Variants in KDM2B observed in about 807,000 individuals in gnomAD.
KDM2B encodes the protein lysine-specific demethylase 2B.
In KDM2B, 26 loss-of-function variants were observed where a neutral mutation model predicts 150.0. The ratio of observed to expected loss-of-function variants is 0.17; its 90% confidence interval spans 0.13 to 0.24. KDM2B has a LOEUF of 0.24. Among genes scored for constraint, KDM2B ranks in the 10% least tolerant of loss-of-function variants. KDM2B has a pLI of 1.00. For missense variants in KDM2B, 1,265 were observed against 1,816.9 expected (o/e 0.70, Z 5.52); for synonymous variants, 734 against 729.5 (o/e 1.01, Z -0.10).
chr12:121,425,461 C>T (rs966037047), downstream of KDM2B, among the ~76,000 whole-genome samples: 13 of 152,178 alleles, frequency 8.5e-5, no homozygotes, highest in Non-Finnish European at 1.5e-4. Context: ...AGTCTGTTAT[C>T]TCCTGACTGT....
intron 22 of KDM2B, among the ~76,000 whole-genome samples, chr12:121,434,310 C>A (rs953165797): frequency 2.0e-5 from 3 of 151,148 alleles, no homozygotes; most frequent in African/African-American, 7.3e-5. Context: ...CCGAGGTGGG[C>A]GGATCACCTG....
intron 8 of KDM2B, among the ~76,000 whole-genome samples, chr12:121,532,456 A>C (rs1330200177): frequency 6.6e-6 from 1 of 152,274 alleles, no homozygotes; most frequent in South Asian, 2.1e-4. Context: ...CCAGAATTCC[A>C]CCTGAGGCCA....
In KDM2B at chr12:121,521,297, T is replaced by C. The variant is rs782269725; in HGVS notation, c.932-197A>G. 1.3e-5 allele frequency among the ~76,000 whole-genome samples: 2 copies of C among 152,054 alleles called. No homozygotes were observed. Among genetic ancestry groups the C allele is most frequent in the Non-Finnish European group, 2.9e-5 (2 of 68,004 alleles). On this transcript the variant is annotated intron_variant, in intron 8 of 22. Transcript: ENST00000377071. The surrounding 1 kb of genome is among the most constrained non-coding windows in gnomAD (Gnocchi z 4.9). The stretch of plus-strand genomic sequence containing the variant: ...CTGAGCCGCCGAGAGGACTCAGACT[T>C]GCAGCCTCGAGCAGCCACTGTCTGG...
At chr12:121,459,311 G>A (rs917411252) in intron 12 of KDM2B, among the ~76,000 whole-genome samples, 2 of 152,066 alleles carry the variant, frequency 1.3e-5, no homozygotes, top group Non-Finnish European at 2.9e-5. Flanking sequence ...GTGCTGGGAC[G>A]AATAGCTATC....
At chr12:121,417,950 G>A in the KDM2B span, 60 of 1,590,464 alleles carry the variant, frequency 3.8e-5, no homozygotes, top group South Asian at 1.9e-4. The surrounding 1 kb of genome is among the most constrained non-coding windows in gnomAD (Gnocchi z 5.0). Flanking sequence ...GGCCCGGCAC[G>A]CTTATTCTTG....
intron 8 of KDM2B, among the ~76,000 whole-genome samples, chr12:121,523,148 T>C (rs1732130794): frequency 6.6e-6 from 1 of 152,224 alleles, no homozygotes; most frequent in Admixed American, 6.5e-5. Context: ...ACTTGCTGAA[T>C]GAGTCACAGC....
At position 121,520,173 on chromosome 12, in the gene KDM2B, G is replaced by A. The variant is rs1886560368; in HGVS notation, c.1047+812C>T. ...CCCAAAGTGCTGGGATTACAGGCAA[G>A]AGCCACCGCGCCCGGCCCCAAGTCT... is the stretch of plus-strand genomic sequence containing the variant. On this transcript the variant is annotated intron_variant, in intron 9 of 22. Transcript: ENST00000377071. The surrounding 1 kb of genome is among the most constrained non-coding windows in gnomAD (Gnocchi z 4.5). 1.3e-5 allele frequency among the ~76,000 whole-genome samples: 2 copies of A among 152,134 alleles called. No individual in the cohort carries two copies. The highest frequency in any genetic ancestry group is 2.4e-5 in the African/African-American group (1 of 41,444).
chr12:121,532,056 G>A lies in KDM2B; in HGVS notation c.931+750C>T, dbSNP rs539301695. Among the ~76,000 whole-genome samples, 180 of 152,004 alleles carry A rather than the reference G, an allele frequency of 1.2e-3. 1 individual carries two copies. The Middle Eastern group carries it at 0.024, about 20-fold the overall frequency. ...GAACTGCTTGAACCTGGGAGGTGAAGGTTGCAGTGAGCCAAGATCACGCCA... is the reference window on the plus strand; with the variant it reads ...GAACTGCTTGAACCTGGGAGGTGAAAGTTGCAGTGAGCCAAGATCACGCCA... On this transcript the variant is annotated intron_variant, in intron 8 of 22. Transcript: ENST00000377071.
chr12:121,512,713 G>A (rs544568564), intron 10 of KDM2B, among the ~76,000 whole-genome samples: 6 of 152,276 alleles, frequency 3.9e-5, no homozygotes, highest in African/African-American at 1.4e-4. Context: ...GGGCAGAGCC[G>A]TGTTCGGGGG....
At chr12:121,472,639 G>A (rs186951050) in intron 12 of KDM2B, among the ~76,000 whole-genome samples, 3 of 152,336 alleles carry the variant, frequency 2.0e-5, no homozygotes, top group Non-Finnish European at 4.4e-5. Flanking sequence ...ATGTGTGACT[G>A]TGCACAGGAT....
chr12:121,573,689 A>G (rs1594161117), intron 4 of KDM2B, among the ~76,000 whole-genome samples: 1 of 150,010 alleles, frequency 6.7e-6, no homozygotes, highest in African/African-American at 2.5e-5. Flanking sequence ...CCAGGTTCAC[A>G]CCATTCTCCT....
chr12:121,438,924 C>A (rs59103597), intron 22 of KDM2B, among the ~76,000 whole-genome samples: 52,834 of 151,834 alleles, frequency 0.35, 9,954 homozygotes, highest in East Asian at 0.44. Context: ...CCTAAGCTAC[C>A]AGACCAAAAT....
chr12:121,500,300 A>G (rs965262776), intron 11 of KDM2B, among the ~76,000 whole-genome samples: 2 of 152,074 alleles, frequency 1.3e-5, no homozygotes, highest in Non-Finnish European at 2.9e-5. Flanking sequence ...TCAGCCCCCT[A>G]AGGGTTACAC....
chr12:121,574,736 G>C (rs1452124083), intron 3 of KDM2B, 143 bp from the exon 4 acceptor site: 3 of 714,334 alleles, frequency 4.2e-6, no homozygotes, highest in Non-Finnish European at 7.1e-6. Context: ...TCCAGAGGGA[G>C]AGAAGTAGAC....
intron 6 of KDM2B, among the ~76,000 whole-genome samples, chr12:121,540,176 T>C (rs1336202841): frequency 6.6e-6 from 1 of 152,198 alleles, no homozygotes; most frequent in Non-Finnish European, 1.5e-5. Context: ...GGTGGTGCGT[T>C]GGTCCATACA....
rs1304072287 is a variant in KDM2B at position 121,521,622 on chromosome 12, A to G, written c.932-522T>C. On this transcript the variant is annotated intron_variant, in intron 8 of 22. Coordinates refer to ENST00000377071, the MANE Select transcript of KDM2B (RefSeq NM_032590.5). This position sits in a 1 kb window ranked among gnomAD's most constrained non-coding sequence, Gnocchi z 4.9. ...GCCCAAGTCCATCTTCTTGTCATCAAACTCCACCCAGGCCCCTTTCCATGT... is the reference window on the plus strand; with the variant it reads ...GCCCAAGTCCATCTTCTTGTCATCAGACTCCACCCAGGCCCCTTTCCATGT... 6.6e-6 allele frequency among the ~76,000 whole-genome samples: 1 copy of G among 152,064 alleles called. No homozygotes were observed. Among genetic ancestry groups the G allele is most frequent in the Non-Finnish European group, 1.5e-5 (1 of 68,012 alleles).
intron 8 of KDM2B, 33 bp downstream of exon 8, chr12:121,532,773 C>G (rs4981006): frequency 3.7e-5 from 59 of 1,610,112 alleles, no homozygotes; most frequent in Non-Finnish European, 4.4e-5. Context: ...GCAGGAGACT[C>G]GAGGAGCCCA....
chr12:121,426,696 G>C (rs1872531198), downstream of KDM2B, among the ~76,000 whole-genome samples: 1 of 148,174 alleles, frequency 6.7e-6, no homozygotes, highest in African/African-American at 2.5e-5. Context: ...TGCAATCTTG[G>C]CTTATCGCAA....
chr12:121,573,595 T>C (rs1483405359), intron 4 of KDM2B, among the ~76,000 whole-genome samples: 309 of 151,070 alleles, frequency 2.0e-3, no homozygotes, highest in African/African-American at 7.0e-3. Context: ...TTCTTTTTTT[T>C]TTTTTTTGAG....
Sources: allele counts gnomAD v4.1 joint callset (sites outside exome capture counted in the v4.1 genomes callset), GRCh38; gene constraint gnomAD v4.1.1; non-coding constraint Gnocchi (gnomAD v3.1); transcripts MANE v1.5; gene names NCBI Gene and HGNC (gene_info 2026-07-23, HGNC 2026-07-21).